The following MOK variants were observed in gnomAD, a reference collection of about 807,000 sequenced individuals.
MOK encodes MAPK/MAK/MRK overlapping kinase.
In MOK, 59 loss-of-function variants were observed where a neutral mutation model predicts 54.2. The observed-to-expected ratio is 1.09, with a 90% CI of 0.88 to 1.35. The LOEUF (loss-of-function observed/expected upper bound fraction) is 1.35, where lower values mean the gene tolerates loss of function less well. Among genes scored for constraint, MOK ranks in the 40% most tolerant of loss-of-function variants. The pLI is 0.00. For synonymous variants in MOK, 210 were observed against 202.7 expected, an observed-to-expected ratio of 1.04 and a Z score of -0.31; for missense variants, 517 against 526.2, an observed-to-expected ratio of 0.98 and a Z score of 0.17.
chr14:102,233,518 TG>T, intron 8 of MOK, 169 bp downstream of exon 8: 1 of 598,330 alleles, frequency 1.7e-6, no homozygotes, highest in South Asian at 2.0e-5. Context: ...CTTAAAGTGA[TG>T]GGCTCTGTCT....
rs74878624 is a variant in MOK at position 102,276,180 on chromosome 14, C to A, written c.122+7298G>T. ...AGCAACTGGAACTTTCATTCTTTGC[C>A]GGTGGTAATATAAAAAGCTACAGGC... On this transcript the variant is annotated intron_variant, in intron 2 of 11. Coordinates refer to ENST00000361847, the MANE Select transcript of MOK (RefSeq NM_014226.3). 5.0e-3 allele frequency among the ~76,000 whole-genome samples: 755 copies of A among 152,178 alleles called. 6 individuals carry two copies. The highest frequency in any genetic ancestry group is 0.017 in the African/African-American group (715 of 41,528).
At chr14:102,255,520 G>C (rs2066879205) in intron 4 of MOK, among the ~76,000 whole-genome samples, 1 of 151,672 alleles carries the variant, frequency 6.6e-6, no homozygotes, top group South Asian at 2.1e-4. Flanking sequence ...AGCCCTAGGG[G>C]TAGGGAGCCG....
At chr14:102,227,729 G>A (rs972321013), downstream of MOK, among the ~76,000 whole-genome samples, 1 of 152,050 alleles carries the variant, frequency 6.6e-6, no homozygotes, top group African/African-American at 2.4e-5. Context: ...CCACGGACTC[G>A]CTGCCCCACG....
downstream of MOK, among the ~76,000 whole-genome samples, chr14:102,221,399 T>C (rs1297846966): frequency 6.6e-6 from 1 of 152,332 alleles, no homozygotes; most frequent in Non-Finnish European, 1.5e-5. The surrounding 1 kb of genome is among the most constrained non-coding windows in gnomAD (Gnocchi z 4.8). Context: ...CAGAGTGTCC[T>C]GTGTGAGAGG....
intron 2 of MOK, among the ~76,000 whole-genome samples, chr14:102,272,897 C>T (rs2068496813): frequency 6.6e-6 from 1 of 152,178 alleles, no homozygotes; most frequent in Admixed American, 6.5e-5. Flanking sequence ...ATGGGCCGGG[C>T]ACAGTGGCTC....
rs1413560829 is a variant in MOK at position 102,231,485 on chromosome 14, A to G, written c.981+222T>C. The G allele has an allele frequency of 5.9e-6, 3 of 510,710 alleles. No homozygotes were observed. Among genetic ancestry groups the G allele is most frequent in the East Asian group, 6.2e-5 (2 of 32,350 alleles). The allele number at this position is 510,710 out of a possible 1,614,324, so 31.6% of individuals were successfully genotyped here. ...TGCTCACATGGGATATTCGTCATCA[A>G]TTCTTAGCTACTGGGGCAGAAAGGG... On this transcript the variant is annotated intron_variant, in intron 10 of 11. Transcript: ENST00000361847. This position sits in a 1 kb window ranked among gnomAD's most constrained non-coding sequence, Gnocchi z 4.4.
chr14:102,287,893 C>T (rs1018150917), intron 1 of MOK, among the ~76,000 whole-genome samples: 15 of 144,554 alleles, frequency 1.0e-4, no homozygotes, highest in Non-Finnish European at 1.8e-4. Context: ...ACTGCAGTGG[C>T]GCAATCTCGG....
chr14:102,272,982 C>T (rs2068508314), intron 2 of MOK, among the ~76,000 whole-genome samples: 1 of 152,088 alleles, frequency 6.6e-6, no homozygotes, highest in Admixed American at 6.6e-5. Flanking sequence ...CCAGCCTGGC[C>T]AATACGGTTA....
chr14:102,283,687 A>G, intron 1 of MOK, 95 bp from the exon 2 acceptor site: 1 of 708,464 alleles, frequency 1.4e-6, no homozygotes, highest in Non-Finnish European at 2.3e-6. Flanking sequence ...AAGATAATTT[A>G]AACAGCAATA....
At chr14:102,304,750 C>T (rs1597685053) in intron 1 of MOK, among the ~76,000 whole-genome samples, 1 of 152,216 alleles carries the variant, frequency 6.6e-6, no homozygotes, top group Non-Finnish European at 1.5e-5. Context: ...CCAACCTAGC[C>T]CCAACCCCTC....
chr14:102,279,342 T>C (rs371645511), intron 2 of MOK, among the ~76,000 whole-genome samples: 1 of 152,242 alleles, frequency 6.6e-6, no homozygotes, highest in African/African-American at 2.4e-5. Flanking sequence ...TCACCCAGGC[T>C]GGAGTGCAGT....
intron 3 of MOK, 85 bp downstream of exon 3, chr14:102,265,738 C>A: frequency 8.9e-7 from 1 of 1,123,864 alleles, no homozygotes; most frequent in Non-Finnish European, 1.3e-6. Context: ...AGTAAATATT[C>A]AAAATGTCTA....
At chr14:102,218,407 G>A in the MOK span, among the ~76,000 whole-genome samples, 1 of 152,242 alleles carries the variant, frequency 6.6e-6, no homozygotes, top group African/African-American at 2.4e-5. Context: ...GTCCAGGCCT[G>A]ACAGAGCTTC....
downstream of MOK, chr14:102,223,028 C>T (rs1181331507): frequency 2.2e-6 from 2 of 899,770 alleles, no homozygotes; most frequent in African/African-American, 1.7e-5. Flanking sequence ...GTGACCGGCT[C>T]ACTCTGCGGC....
At chr14:102,284,921 A>C (rs557270234) in intron 1 of MOK, among the ~76,000 whole-genome samples, 1 of 152,186 alleles carries the variant, frequency 6.6e-6, no homozygotes, top group East Asian at 1.9e-4. Context: ...GTCTCTACTA[A>C]AAATACAAAA....
chr14:102,276,556 T>C (rs1010395564), intron 2 of MOK, among the ~76,000 whole-genome samples: 2 of 151,934 alleles, frequency 1.3e-5, no homozygotes, highest in Non-Finnish European at 2.9e-5. Context: ...GTCAGTTTCT[T>C]ATAAAGTTAA....
Position 102,232,785 on chromosome 14 carries a change from G to GC in MOK, c.693-78dup. Reference sequence around the variant, plus strand: ...CGGTGGTCCACTGTCACAACTAAGGGCCCTGTGTGGTGGGGAATGGTTTAT... The same window carrying GC: ...CGGTGGTCCACTGTCACAACTAAGGGCCCCTGTGTGGTGGGGAATGGTTTAT... On this transcript the variant is annotated intron_variant, in intron 8 of 11. Transcript: ENST00000361847. The surrounding 1 kb of genome is among the most constrained non-coding windows in gnomAD (Gnocchi z 5.1). 1 of 1,353,814 alleles carries GC rather than the reference G, an allele frequency of 7.4e-7. No individual in the cohort carries two copies. Among genetic ancestry groups the GC allele is most frequent in the Non-Finnish European group, 1.0e-6 (1 of 970,338 alleles). The allele number at this position is 1,353,814 out of a possible 1,614,324, so 83.9% of individuals were successfully genotyped here.
chr14:102,269,027 A>G (rs1441173520), intron 2 of MOK, among the ~76,000 whole-genome samples: 1 of 152,190 alleles, frequency 6.6e-6, no homozygotes, highest in East Asian at 1.9e-4. Flanking sequence ...ATATGAAGAA[A>G]GTCCTCAAAG....
intron 4 of MOK, among the ~76,000 whole-genome samples, chr14:102,256,101 A>AT (rs1413439987): frequency 6.0e-5 from 9 of 149,540 alleles, no homozygotes; most frequent in African/African-American, 2.0e-4. Flanking sequence ...ATGAGTTATT[A>AT]TTATTTTTTT....
Sources: allele counts gnomAD v4.1 joint callset (sites outside exome capture counted in the v4.1 genomes callset), GRCh38; gene constraint gnomAD v4.1.1; non-coding constraint Gnocchi (gnomAD v3.1); transcripts MANE v1.5; gene names NCBI Gene and HGNC (gene_info 2026-07-23, HGNC 2026-07-21).